Variants in ZW10 observed in about 807,000 individuals in gnomAD.
The protein encoded by ZW10 is centromere/kinetochore protein zw10 homolog.
ZW10 carries 53 observed loss-of-function variants against 87.8 expected under a neutral mutation model. The observed-to-expected ratio is 0.60, with a 90% confidence interval of 0.48 to 0.76. The LOEUF is 0.76. Ranked by LOEUF, ZW10 falls within the 30% of genes least tolerant of loss-of-function variation. The pLI is 0.00. For synonymous variants in ZW10, 312 were observed against 329.2 expected (o/e 0.95, Z 0.57); for missense variants, 837 against 923.0 (o/e 0.91, Z 1.21).
At chr11:113,736,532 A>C (rs1428551890) in intron 15 of ZW10, 88 bp downstream of exon 15, 9 of 1,364,320 alleles carry the variant, frequency 6.6e-6, no homozygotes, top group Admixed American at 5.2e-5. Flanking sequence ...TAACATCAGG[A>C]AACAGGGAAA....
At chr11:113,750,382 C>G (rs2134879434) in intron 7 of ZW10, among the ~76,000 whole-genome samples, 1 of 152,014 alleles carries the variant, frequency 6.6e-6, no homozygotes, top group African/African-American at 2.4e-5. Context: ...TGGCTCACTG[C>G]AACCTCCGCC....
At chr11:113,759,610 A>G (rs1344195713) in intron 5 of ZW10, among the ~76,000 whole-genome samples, 3 of 152,190 alleles carry the variant, frequency 2.0e-5, no homozygotes, top group Non-Finnish European at 2.9e-5. Context: ...GAGGGCTCAT[A>G]CCCAGAGGTA....
chr11:113,769,067 C>T (rs1490289802), intron 1 of ZW10, 100 bp from the exon 2 acceptor site: 2 of 1,302,078 alleles, frequency 1.5e-6, no homozygotes, highest in African/African-American at 2.9e-5. Flanking sequence ...CATGTTAGAA[C>T]CTTCTTGCCA....
At chr11:113,770,072 C>G (rs1028621970) in intron 1 of ZW10, 2 of 139,390 alleles carry the variant, frequency 1.4e-5, no homozygotes, top group Non-Finnish European at 3.1e-5. Context: ...TTCATTGTTT[C>G]TGTTAAATTT....
chr11:113,763,190 A>T (rs1953879888), intron 2 of ZW10, among the ~76,000 whole-genome samples: 1 of 152,190 alleles, frequency 6.6e-6, no homozygotes, highest in African/African-American at 2.4e-5. Flanking sequence ...TACAAAGGAC[A>T]TGCTCTCATT....
chr11:113,750,781 C>G (rs920716939), intron 7 of ZW10, among the ~76,000 whole-genome samples: 2 of 151,556 alleles, frequency 1.3e-5, no homozygotes, highest in South Asian at 4.2e-4. Context: ...AACTTTCACC[C>G]GCTATAAAAT....
chr11:113,768,422 T>A (rs935390608), intron 2 of ZW10, among the ~76,000 whole-genome samples: 7 of 152,190 alleles, frequency 4.6e-5, no homozygotes, highest in Non-Finnish European at 8.8e-5. Flanking sequence ...TACTGTCTTG[T>A]TCCAGACACT....
At chr11:113,750,839 T>C (rs1953726587) in intron 7 of ZW10, among the ~76,000 whole-genome samples, 1 of 151,624 alleles carries the variant, frequency 6.6e-6, no homozygotes, top group Admixed American at 6.6e-5. Flanking sequence ...AATGGGGAGA[T>C]GGCAAAAGAA....
chr11:113,738,250 C>A lies in ZW10; in HGVS notation c.1884+14G>T. On this transcript the variant is annotated intron_variant, in intron 13 of 15. Transcript: ENST00000200135. ...GATAGAATACAAATTTCAGTGCTAG[C>A]AAGAGCCTCCTACCTGCCGGACTGC... The A allele has an allele frequency of 1.3e-6, 2 of 1,586,334 alleles. No individual in the cohort carries two copies. The highest frequency in any genetic ancestry group is 2.3e-5 in the South Asian group (2 of 85,666).
intron 11 of ZW10, among the ~76,000 whole-genome samples, chr11:113,741,319 T>A (rs1038881099): frequency 6.6e-6 from 1 of 152,180 alleles, no homozygotes; most frequent in Non-Finnish European, 1.5e-5. Flanking sequence ...GGCTAAGGAA[T>A]AGCTTTGTTG....
intron 2 of ZW10, among the ~76,000 whole-genome samples, chr11:113,762,945 G>C (rs2134893493): frequency 1.3e-5 from 2 of 152,292 alleles, no homozygotes; most frequent in Middle Eastern, 3.4e-3. Flanking sequence ...ACGCAGGTTT[G>C]TTACACAGGT....
intron 7 of ZW10, among the ~76,000 whole-genome samples, chr11:113,749,712 T>A (rs982500848): frequency 7.2e-5 from 11 of 152,166 alleles, no homozygotes; most frequent in South Asian, 2.1e-4. Context: ...ATGGAAAAAA[T>A]TTTTTAAAGC....
intron 11 of ZW10, among the ~76,000 whole-genome samples, chr11:113,740,853 G>A (rs1000228374): frequency 6.6e-6 from 1 of 152,176 alleles, no homozygotes; most frequent in Middle Eastern, 3.2e-3. Flanking sequence ...GAGGTTATAC[G>A]AAGGAGAAAG....
At chr11:113,741,810 T>C in intron 10 of ZW10, 45 bp from the exon 11 acceptor site, 1 of 1,415,774 alleles carries the variant, frequency 7.1e-7, no homozygotes, top group Non-Finnish European at 9.8e-7. Flanking sequence ...AAGAATACAC[T>C]AAAAACAAGA....
In ZW10 at chr11:113,760,682, T is replaced by A. The variant is rs369707544; in HGVS notation, c.343-92A>T. ...GAAATGCTCCCACTTTCCCTCCCCC[T>A]CCCCCCTCTAAAAAAAAAAAAAGAA... On this transcript the variant is annotated intron_variant, in intron 3 of 15. Coordinates refer to ENST00000200135, the MANE Select transcript of ZW10 (RefSeq NM_004724.4). 2.1e-3 allele frequency: 1,471 copies of A among 707,898 alleles called. 10 individuals carry two copies. In the African/African-American group the frequency reaches 0.03, roughly 15 times the overall value. The allele number at this position is 707,898 out of a possible 1,614,324, so 43.9% of individuals were successfully genotyped here.
intron 10 of ZW10, among the ~76,000 whole-genome samples, chr11:113,742,030 T>C (rs1953625147): frequency 6.6e-6 from 1 of 152,260 alleles, no homozygotes. Flanking sequence ...CTCTTTTCTA[T>C]TTATCAATTT....
At chr11:113,736,861 G>A (rs1464920278) in intron 14 of ZW10, 39 bp from the exon 15 acceptor site, 5 of 1,598,618 alleles carry the variant, frequency 3.1e-6, no homozygotes, top group Non-Finnish European at 4.3e-6. Context: ...AATAGAATTG[G>A]GCCAGCTCAG....
At chr11:113,742,046 C>T (rs1953625448) in intron 10 of ZW10, among the ~76,000 whole-genome samples, 1 of 152,224 alleles carries the variant, frequency 6.6e-6, no homozygotes, top group African/African-American at 2.4e-5. Context: ...AATTTCTGTT[C>T]TGCCAGTACC....
In ZW10 at chr11:113,736,726, T is replaced by G; in HGVS notation, c.2113A>C (p.Lys705Gln). 3 of 1,614,220 alleles carry G rather than the reference T, an allele frequency of 1.9e-6. No individual in the cohort carries two copies. The highest frequency in any genetic ancestry group is 2.5e-6 in the Non-Finnish European group (3 of 1,180,036). Residue 705 changes from lysine to glutamine, a missense_variant, in exon 15 of 16, where the codon AAG becomes CAG. Physicochemically the swap from Lys to Gln is moderately conservative, Grantham distance 53. Transcript: ENST00000200135. Reference sequence around the variant, plus strand: ...ACCTCTTCTTGATATTTCTTGTTCTTGCTTTCTTCAGATAAAGGTGCAAAT... The same window carrying G: ...ACCTCTTCTTGATATTTCTTGTTCTGGCTTTCTTCAGATAAAGGTGCAAAT... ...QVFAPLSEES[K>Q]NKKYQEEVPV...
Sources: allele counts gnomAD v4.1 joint callset (sites outside exome capture counted in the v4.1 genomes callset), GRCh38; gene constraint gnomAD v4.1.1; transcripts MANE v1.5; gene names NCBI Gene and HGNC (gene_info 2026-07-23, HGNC 2026-07-21).